NUDCD1: variants seen among roughly 807,000 people sequenced by gnomAD.
NUDCD1 encodes the protein NudC domain containing 1.
NUDCD1 carries 60 observed loss-of-function variants against 67.8 expected under a neutral mutation model. The ratio of observed to expected loss-of-function variants is 0.88; its 90% CI spans 0.72 to 1.10. The LOEUF is 1.10. Ranked by LOEUF, NUDCD1 falls within the 50% of genes least tolerant of loss-of-function variation. The probability of loss-of-function intolerance (pLI) is 0.00; values close to 1 mark genes in which losing one functional copy is unlikely to be tolerated. For missense variants in NUDCD1, 643 were observed against 695.0 expected, an observed-to-expected ratio of 0.93 and a Z score of 0.84; for synonymous variants, 244 against 230.8, an observed-to-expected ratio of 1.06 and a Z score of -0.52.
intron 8 of NUDCD1, among the ~76,000 whole-genome samples, chr8:109,253,915 A>C (rs928972536): frequency 6.6e-6 from 1 of 152,218 alleles, no homozygotes; most frequent in Non-Finnish European, 1.5e-5. Context: ...GGGGAAGTAA[A>C]ACATTATCCA....
At chr8:109,291,664 A>G (rs1814714944) in intron 4 of NUDCD1, among the ~76,000 whole-genome samples, 1 of 152,188 alleles carries the variant, frequency 6.6e-6, no homozygotes, top group East Asian at 1.9e-4. Flanking sequence ...AACAAGATAT[A>G]AAAGAAAGAT....
At chr8:109,317,305 T>C (rs1196683823) in intron 2 of NUDCD1, among the ~76,000 whole-genome samples, 1 of 152,070 alleles carries the variant, frequency 6.6e-6, no homozygotes, top group Non-Finnish European at 1.5e-5. Context: ...CTCTGGAGCC[T>C]AGGGGTTCAA....
chr8:109,311,563 A>ATATATATATC (rs1815252478), intron 2 of NUDCD1, among the ~76,000 whole-genome samples: 2 of 130,168 alleles, frequency 1.5e-5, no homozygotes, highest in Admixed American at 1.4e-4. Context: ...TGTGGTGTAT[A>ATATATATATC]TATATATATG....
intron 2 of NUDCD1, among the ~76,000 whole-genome samples, chr8:109,300,324 A>T (rs1814955253): frequency 7.8e-6 from 1 of 128,228 alleles, no homozygotes; most frequent in South Asian, 2.7e-4. Context: ...AGAGAAAGGC[A>T]AAGCCCAACG....
intron 1 of NUDCD1, among the ~76,000 whole-genome samples, chr8:109,327,875 T>C (rs534365619): frequency 2.4e-4 from 36 of 152,338 alleles, no homozygotes; most frequent in Admixed American, 4.6e-4. Context: ...CCCTACCTTG[T>C]TCTTCTCAAA....
rs759231943 is a variant in NUDCD1, at chr8:109,271,092, A to G, written c.1212T>C (p.Ala404=). 18 of 1,590,512 alleles carry G rather than the reference A, an allele frequency of 1.1e-5. No homozygotes were observed. The East Asian group carries it at 3.8e-4, about 34-fold the overall frequency. Residue 404 remains alanine (A), a synonymous_variant, in exon 8 of 10, where the codon GCT becomes GCC. Transcript: ENST00000239690. ...NPDKEKPPCN[A]QELEECDIFF... ...AAATATCACATTCTTCTAACTCTTG[A>G]GCATTGCAAGGTGGTTTTTCTTTAT...
chr8:109,244,992 G>T (rs1055281062), intron 9 of NUDCD1, among the ~76,000 whole-genome samples: 1 of 152,080 alleles, frequency 6.6e-6, no homozygotes, highest in African/African-American at 2.4e-5. Context: ...TCCATGTAGG[G>T]TATTATCAAG....
intron 1 of NUDCD1, among the ~76,000 whole-genome samples, chr8:109,328,530 C>T (rs1815731293): frequency 6.6e-6 from 1 of 152,088 alleles, no homozygotes; most frequent in African/African-American, 2.4e-5. Context: ...ACAGAAAGAA[C>T]CATCTGAAAG....
At chr8:109,321,211 A>C (rs1815525936) in intron 2 of NUDCD1, among the ~76,000 whole-genome samples, 1 of 152,200 alleles carries the variant, frequency 6.6e-6, no homozygotes, top group Admixed American at 6.5e-5. Flanking sequence ...GTACTTAGGA[A>C]GCTATTAACA....
At chr8:109,268,607 A>G (rs146676710) in intron 8 of NUDCD1, among the ~76,000 whole-genome samples, 1 of 152,344 alleles carries the variant, frequency 6.6e-6, no homozygotes, top group East Asian at 1.9e-4. Context: ...AGCTACGTTT[A>G]AACCACAGCA....
Position 109,311,283 on chromosome 8 carries a change from G to A in NUDCD1, c.273+11026C>T, listed in dbSNP as rs542317704. On this transcript the variant is annotated intron_variant, in intron 2 of 9. Transcript: ENST00000239690. ...ACATCAAAAAATAGTAGATGTTGGC[G>A]TGGATGCTGTGAACAGGGAACACTT... 7.2e-4 allele frequency among the ~76,000 whole-genome samples: 109 copies of A among 152,218 alleles called. 1 individual carries two copies. The highest frequency in any genetic ancestry group is 1.4e-3 in the Non-Finnish European group (97 of 68,018).
At chr8:109,269,802 A>T (rs1814095743) in intron 8 of NUDCD1, among the ~76,000 whole-genome samples, 1 of 151,900 alleles carries the variant, frequency 6.6e-6, no homozygotes, top group African/African-American at 2.4e-5. Flanking sequence ...ACACTAGATT[A>T]ATTTCTATAT....
At chr8:109,318,287 T>C (rs1815450469) in intron 2 of NUDCD1, among the ~76,000 whole-genome samples, 1 of 152,234 alleles carries the variant, frequency 6.6e-6, no homozygotes, top group African/African-American at 2.4e-5. Context: ...TCTACCATAA[T>C]GTCATCTGAC....
chr8:109,306,914 G>A (rs544140002), intron 2 of NUDCD1, among the ~76,000 whole-genome samples: 7 of 151,792 alleles, frequency 4.6e-5, no homozygotes, highest in African/African-American at 9.7e-5. Context: ...AATCCCTCTC[G>A]AAGCAGCCCT....
At chr8:109,304,545 T>C (rs1198180083) in intron 2 of NUDCD1, among the ~76,000 whole-genome samples, 1 of 152,208 alleles carries the variant, frequency 6.6e-6, no homozygotes, top group Non-Finnish European at 1.5e-5. Flanking sequence ...CCCTCACTCT[T>C]GCAAAGGCAC....
Position 109,296,488 on chromosome 8 carries a change from T to A in NUDCD1, c.355A>T (p.Ile119Phe), listed in dbSNP as rs150014260. Residue 119 changes from isoleucine to phenylalanine, a missense_variant, in exon 3 of 10, where the codon ATC becomes TTC. By Grantham distance (21) the Ile-to-Phe change is conservative. Coordinates refer to ENST00000239690, the MANE Select transcript of NUDCD1 (RefSeq NM_032869.4). ...ACCCAGGTAGAAGATGAGAAATGGATAGATGCACAAAGACGGTTGTCACAT... is the reference window on the plus strand; with the variant it reads ...ACCCAGGTAGAAGATGAGAAATGGAAAGATGCACAAAGACGGTTGTCACAT... ...TACDNRLCAS[I>F]HFSSSTWVTL... 1 of 1,613,328 alleles carries A rather than the reference T, an allele frequency of 6.2e-7. No individual in the cohort carries two copies. The highest frequency in any genetic ancestry group is 2.2e-5 in the East Asian group (1 of 44,844).
chr8:109,329,202 A>T (rs183004952), intron 1 of NUDCD1, among the ~76,000 whole-genome samples: 1 of 152,266 alleles, frequency 6.6e-6, no homozygotes, highest in Non-Finnish European at 1.5e-5. Flanking sequence ...AAAAAGTATG[A>T]AGAAAAAATG....
At chr8:109,267,080 T>C (rs1374155391) in intron 8 of NUDCD1, among the ~76,000 whole-genome samples, 2 of 152,204 alleles carry the variant, frequency 1.3e-5, no homozygotes, top group East Asian at 3.8e-4. Context: ...CACTGCATTT[T>C]TGTCTATATT....
chr8:109,319,195 G>A (rs529734932), intron 2 of NUDCD1, among the ~76,000 whole-genome samples: 1 of 152,076 alleles, frequency 6.6e-6, no homozygotes, highest in Non-Finnish European at 1.5e-5. Flanking sequence ...GGATGGTCTC[G>A]ATCTCCTAAC....
Sources: allele counts gnomAD v4.1 joint callset (sites outside exome capture counted in the v4.1 genomes callset), GRCh38; gene constraint gnomAD v4.1.1; transcripts MANE v1.5; gene names NCBI Gene and HGNC (gene_info 2026-07-23, HGNC 2026-07-21).